The following SGCD variants were observed in gnomAD, a reference collection of about 807,000 sequenced individuals.
The protein encoded by SGCD is delta-sarcoglycan.
A neutral mutation model predicts 36.6 loss-of-function variants in SGCD; 18 were observed. The observed-to-expected ratio is 0.49, with a 90% CI of 0.34 to 0.73. SGCD has a LOEUF of 0.73. Ranked by LOEUF, SGCD falls within the 30% of genes least tolerant of loss-of-function variation. SGCD has a pLI of 0.01. For synonymous variants in SGCD, 133 were observed against 130.6 expected, an observed-to-expected ratio of 1.02 and a Z score of -0.12; for missense variants, 387 against 346.7, an observed-to-expected ratio of 1.12 and a Z score of -0.92.
intron 3 of SGCD, among the ~76,000 whole-genome samples, chr5:156,266,981 A>AT (rs1365952409): frequency 6.6e-6 from 1 of 152,188 alleles, no homozygotes; most frequent in Non-Finnish European, 1.5e-5. Flanking sequence ...AAGATATCAG[A>AT]TTTAGTATAA....
At chr5:156,348,089 A>T (rs980699599) in intron 3 of SGCD, among the ~76,000 whole-genome samples, 2 of 152,222 alleles carry the variant, frequency 1.3e-5, no homozygotes, top group African/African-American at 4.8e-5. Flanking sequence ...TTCTTTTAGA[A>T]TTATAATTCT....
Position 156,128,981 on chromosome 5 carries a change from A to G in SGCD, c.-44+4962A>G, listed in dbSNP as rs182826260. On this transcript the variant is annotated intron_variant, in intron 3 of 9. Coordinates refer to the SGCD transcript ENST00000517913. ...CACCAAAAATAACTTGTATAATTTT[A>G]TGTATATGAAATTAGAGAATAGTCA... 1.1e-3 allele frequency among the ~76,000 whole-genome samples: 169 copies of G among 152,320 alleles called. 1 individual carries two copies. Among genetic ancestry groups the G allele is most frequent in the African/African-American group, 3.1e-3 (129 of 41,568 alleles).
At chr5:156,537,507 AGGT>A (rs1758170273) in intron 4 of SGCD, among the ~76,000 whole-genome samples, 1 of 136,854 alleles carries the variant, frequency 7.3e-6, no homozygotes, top group African/African-American at 3.3e-5. Flanking sequence ...ACACACACAC[AGGT>A]ATATATATAT....
the SGCD span, among the ~76,000 whole-genome samples, chr5:155,777,244 A>G: frequency 2.6e-5 from 4 of 152,148 alleles, no homozygotes; most frequent in Non-Finnish European, 5.9e-5. Context: ...GGTCCAGTAT[A>G]TAACCACCTT....
At chr5:156,014,731 G>C (rs1477404829) in intron 1 of SGCD, among the ~76,000 whole-genome samples, 1 of 152,112 alleles carries the variant, frequency 6.6e-6, no homozygotes, top group African/African-American at 2.4e-5. Context: ...TCTTGTCCAA[G>C]AGCAGTTTAT....
chr5:156,574,088 C>G (rs1408028703), intron 4 of SGCD, among the ~76,000 whole-genome samples: 1 of 152,166 alleles, frequency 6.6e-6, no homozygotes. Context: ...ATCGTCTTCT[C>G]ACAGACACCT....
chr5:156,456,155 T>C lies in SGCD; in HGVS notation c.193-52446T>C, dbSNP rs537549107. 3.9e-5 allele frequency among the ~76,000 whole-genome samples: 6 copies of C among 152,204 alleles called. No homozygotes were observed. The South Asian group carries it at 1.2e-3, about 32-fold the overall frequency. ...AAATAGGGGACTGCTGTAACAAATA[T>C]CTAAAAATGGGGAGGTAGCTTTGGA... is the stretch of plus-strand genomic sequence containing the variant. On this transcript the variant is annotated intron_variant, in intron 3 of 8. Coordinates refer to ENST00000337851, the MANE Select transcript of SGCD (RefSeq NM_000337.6).
chr5:156,232,397 C>A (rs903758600), intron 3 of SGCD, among the ~76,000 whole-genome samples: 4 of 152,132 alleles, frequency 2.6e-5, no homozygotes, highest in African/African-American at 9.7e-5. Context: ...AATGTTGAGG[C>A]AAAAAACCCA....
chr5:156,019,545 G>A (rs1759054727), intron 1 of SGCD, among the ~76,000 whole-genome samples: 1 of 152,156 alleles, frequency 6.6e-6, no homozygotes, highest in Non-Finnish European at 1.5e-5. Flanking sequence ...CAGTAATTTT[G>A]GGGTGTGTGG....
rs1008880848 is a variant in SGCD, at chr5:156,508,501, T to C, written c.193-100T>C. ...CGTCCTCATTCCACACCTTCAAAAA[T>C]TAAAAAAAAAAAAGGCTATAACTAC... is the stretch of plus-strand genomic sequence containing the variant. On this transcript the variant is annotated intron_variant, in intron 3 of 8. Transcript: ENST00000337851. 1.5e-5 allele frequency: 10 copies of C among 676,814 alleles called. No individual in the cohort carries two copies. The African/African-American group carries it at 1.8e-4, about 12-fold the overall frequency. The allele number at this position is 676,814 out of a possible 1,614,324, so 41.9% of individuals were successfully genotyped here.
the SGCD span, among the ~76,000 whole-genome samples, chr5:155,833,036 C>G: frequency 7.4e-6 from 1 of 135,174 alleles, no homozygotes; most frequent in Non-Finnish European, 1.5e-5. Flanking sequence ...CGTGAAACCC[C>G]GTCTCTACTA....
intron 3 of SGCD, among the ~76,000 whole-genome samples, chr5:156,504,822 G>A (rs953602914): frequency 1.3e-5 from 2 of 152,190 alleles, no homozygotes; most frequent in African/African-American, 4.8e-5. Context: ...TGTAAGTAGT[G>A]TAAGAAAAGA....
At chr5:156,412,326 A>G (rs1772804742) in intron 3 of SGCD, among the ~76,000 whole-genome samples, 1 of 152,248 alleles carries the variant, frequency 6.6e-6, no homozygotes, top group Admixed American at 6.5e-5. Flanking sequence ...CCAGGTATAT[A>G]AAAGTTCTTT....
chr5:156,612,757 G>T (rs1233429273), intron 6 of SGCD, among the ~76,000 whole-genome samples: 1 of 152,190 alleles, frequency 6.6e-6, no homozygotes, highest in African/African-American at 2.4e-5. Flanking sequence ...CCACCCTCCA[G>T]AGCAGCATGT....
chr5:155,881,254 T>A (rs1414231938), intron 1 of SGCD, among the ~76,000 whole-genome samples: 1 of 151,218 alleles, frequency 6.6e-6, no homozygotes, highest in Non-Finnish European at 1.5e-5. Flanking sequence ...AGGCATAGCT[T>A]GGAGAGATTG....
intron 1 of SGCD, among the ~76,000 whole-genome samples, chr5:155,923,601 A>C (rs1437270479): frequency 6.6e-6 from 1 of 152,230 alleles, no homozygotes; most frequent in African/African-American, 2.4e-5. Flanking sequence ...TCAATATGTT[A>C]ATGTGACAGC....
chr5:156,580,954 G>T (rs1477853691), intron 4 of SGCD, among the ~76,000 whole-genome samples: 1 of 152,182 alleles, frequency 6.6e-6, no homozygotes, highest in South Asian at 2.1e-4. Context: ...CTGGTGAGGA[G>T]CTGCTATCCT....
At chr5:156,151,497 A>G (rs1762834179) in intron 3 of SGCD, among the ~76,000 whole-genome samples, 1 of 151,604 alleles carries the variant, frequency 6.6e-6, no homozygotes, top group African/African-American at 2.4e-5. Context: ...TTAAATTTAT[A>G]TTTATAGTGC....
chr5:156,686,783 G>A (rs1442760578), intron 7 of SGCD, among the ~76,000 whole-genome samples: 11 of 152,152 alleles, frequency 7.2e-5, no homozygotes, highest in Admixed American at 7.2e-4. Flanking sequence ...GATCAGCTTT[G>A]TTTTAGAAAT....
Sources: gnomAD v4.1 joint callset for allele counts (sites outside exome capture counted in the v4.1 genomes callset) on GRCh38, gnomAD v4.1.1 for gene constraint, MANE v1.5 for transcripts, NCBI Gene and HGNC (gene_info 2026-07-23, HGNC 2026-07-21) for gene names.